The following TNS3 variants were observed in gnomAD, a reference collection of about 807,000 sequenced individuals.
The protein encoded by TNS3 is tensin-3.
Under a neutral mutation model 140.9 loss-of-function variants are expected in TNS3, and 45 were observed. The ratio of observed to expected loss-of-function variants is 0.32; its 90% CI spans 0.25 to 0.41. The LOEUF (loss-of-function observed/expected upper bound fraction) is 0.41, where lower values mean the gene tolerates loss of function less well. TNS3 is among the 10% of genes least tolerant of loss of function. The probability of loss-of-function intolerance (pLI) is 1.00; values close to 1 mark genes in which losing one functional copy is unlikely to be tolerated. For synonymous variants in TNS3, 815 were observed against 788.4 expected (o/e 1.03, Z -0.56); for missense variants, 1,716 against 1,906.7 (o/e 0.90, Z 1.86).
In TNS3 at chr7:47,556,994, C is replaced by T. The variant is rs78658085; in HGVS notation, c.-265+25057G>A. ...GCCACCAAGCCATGCCCCCCACAGA[C>T]GATAACCAGGAGCAGCGGGGGCGGG... On this transcript the variant is annotated intron_variant, in intron 1 of 30. Transcript: ENST00000311160. The T allele has an allele frequency of 5.3e-3, 2,407 of 455,794 alleles. 40 individuals carry two copies. The highest frequency in any genetic ancestry group is 0.042 in the African/African-American group (2,127 of 50,176). The allele number at this position is 455,794 out of a possible 1,614,324, so 28.2% of individuals were successfully genotyped here.
intron 20 of TNS3, among the ~76,000 whole-genome samples, chr7:47,343,384 T>A (rs1438265147): frequency 1.3e-5 from 2 of 152,170 alleles, no homozygotes; most frequent in Non-Finnish European, 2.9e-5. Flanking sequence ...TGTTAATGAG[T>A]TTGCAGGCTG....
Position 47,303,010 on chromosome 7 carries a change from G to A in TNS3, c.3397C>T (p.Pro1133Ser), listed in dbSNP as rs1459893899. 9.3e-6 allele frequency: 15 copies of A among 1,613,826 alleles called. No homozygotes were observed. Among genetic ancestry groups the A allele is most frequent in the Non-Finnish European group, 1.3e-5 (15 of 1,179,872 alleles). ...SPHSGSTISI[P>S]FPNVLPDFSK... is the part of the protein sequence containing the mutation. ...AAGTCGGGAAGGACATTTGGGAAGG[G>A]GATACTGATGGTGCTCCCGCTGTGC... Residue 1133 changes from proline to serine, a missense_variant, in exon 22 of 31, where the codon CCC becomes TCC. Pro to Ser is a moderately conservative substitution (Grantham distance 74). Around this residue, in one of 3 missense-constraint regions of TNS3, gnomAD observed 1,163 missense variants for 1,182.1 expected, o/e 0.98. Transcript: ENST00000311160.
At chr7:47,344,881 G>C (rs1789240232) in intron 19 of TNS3, 43 bp from the exon 20 acceptor site, 1 of 1,613,104 alleles carries the variant, frequency 6.2e-7, no homozygotes, top group Non-Finnish European at 8.5e-7. Flanking sequence ...CACCCTCCTT[G>C]GGCATGGAGC....
rs530524093 is a variant in TNS3 at position 47,521,478 on chromosome 7, A to G, written c.-153+7558T>C. Among the ~76,000 whole-genome samples the G allele has an allele frequency of 5.9e-5, 9 of 152,266 alleles. No individual in the cohort carries two copies. The East Asian group carries it at 1.7e-3, about 29-fold the overall frequency. On this transcript the variant is annotated intron_variant, in intron 2 of 30. Transcript: ENST00000311160. ...TGTGCACAGGCATCTGGTGAACAAC[A>G]CAGAGCCAGCCCCTCATGCCTCCTG...
intron 27 of TNS3, among the ~76,000 whole-genome samples, chr7:47,288,671 C>G (rs1355035281): frequency 3.3e-5 from 5 of 152,140 alleles, no homozygotes; most frequent in Non-Finnish European, 7.4e-5. Context: ...CCCCCTAAAA[C>G]AGATTTAGGG....
chr7:47,524,190 A>G (rs1799094016), intron 2 of TNS3, among the ~76,000 whole-genome samples: 1 of 152,178 alleles, frequency 6.6e-6, no homozygotes, highest in African/African-American at 2.4e-5. Context: ...GTCCTGCCTC[A>G]CTGGCCTGGC....
At chr7:47,481,738 G>T (rs956844684) in intron 3 of TNS3, 23 of 984,686 alleles carry the variant, frequency 2.3e-5, no homozygotes, top group Non-Finnish European at 2.5e-5. Context: ...CCCTGGGAAA[G>T]ATAAAGAAAG....
intron 2 of TNS3, among the ~76,000 whole-genome samples, chr7:47,512,911 A>G (rs1314126130): frequency 6.6e-6 from 1 of 152,224 alleles, no homozygotes; most frequent in Non-Finnish European, 1.5e-5. Flanking sequence ...AAATGAAAAG[A>G]TGAGTAGATC....
At chr7:47,300,621 A>AT (rs1786343567) in intron 23 of TNS3, among the ~76,000 whole-genome samples, 1 of 152,240 alleles carries the variant, frequency 6.6e-6, no homozygotes, top group African/African-American at 2.4e-5. Flanking sequence ...ACATTGCACA[A>AT]TGAGAGAAGG....
chr7:47,511,949 G>A (rs1231872379), intron 2 of TNS3, among the ~76,000 whole-genome samples: 1 of 152,250 alleles, frequency 6.6e-6, no homozygotes, highest in Non-Finnish European at 1.5e-5. Context: ...GGCTGCCACG[G>A]TGCCTTCCAC....
At position 47,428,326 on chromosome 7, in the gene TNS3, G is replaced by A; in HGVS notation, c.375C>T (p.Thr125=). 6.9e-7 allele frequency: 1 copy of A among 1,446,260 alleles called. No homozygotes were observed. Among genetic ancestry groups the A allele is most frequent in the Non-Finnish European group, 9.1e-7 (1 of 1,093,526 alleles). The allele number at this position is 1,446,260 out of a possible 1,614,324, so 89.6% of individuals were successfully genotyped here. ...GVVISSYMHF[T]NVSASADQAL... ...CTTCATCCTACCTGGCTGAGACGTT[G>A]GTGAAATGCATGTAGGATGATATGA... The change falls in exon 9 of 31, where the codon ACC becomes ACT. Residue 125 remains threonine, a synonymous_variant. Coordinates refer to ENST00000311160, the MANE Select transcript of TNS3 (RefSeq NM_022748.12).
intron 1 of TNS3, among the ~76,000 whole-genome samples, chr7:47,530,230 A>G (rs1799342326): frequency 6.6e-6 from 1 of 152,214 alleles, no homozygotes; most frequent in African/African-American, 2.4e-5. Context: ...AAAATGTAAG[A>G]ATACAGTGCA....
intron 12 of TNS3, among the ~76,000 whole-genome samples, chr7:47,412,260 A>T (rs1793815763): frequency 6.6e-6 from 1 of 152,222 alleles, no homozygotes; most frequent in South Asian, 2.1e-4. Context: ...GCCTGTCCAC[A>T]TACAAAAAGA....
intron 23 of TNS3, among the ~76,000 whole-genome samples, chr7:47,301,333 C>T (rs1786389188): frequency 6.6e-6 from 1 of 152,158 alleles, no homozygotes; most frequent in African/African-American, 2.4e-5. Context: ...CAGTCACACA[C>T]CATCTCTTCT....
intron 1 of TNS3, among the ~76,000 whole-genome samples, chr7:47,542,100 T>C (rs1196095343): frequency 3.3e-5 from 5 of 152,276 alleles, no homozygotes; most frequent in African/African-American, 1.2e-4. Context: ...CAGAATCTAA[T>C]AGGCTGTCAC....
At chr7:47,309,732 C>T (rs1786974323) in intron 20 of TNS3, among the ~76,000 whole-genome samples, 1 of 152,220 alleles carries the variant, frequency 6.6e-6, no homozygotes, top group African/African-American at 2.4e-5. Flanking sequence ...TGCTTATCAA[C>T]AATCTTGGAG....
At position 47,368,973 on chromosome 7, in the gene TNS3, C is replaced by A. The variant is rs1190598090; in HGVS notation, c.1673G>T (p.Arg558Leu). The change falls in exon 17 of 31, where the codon CGA (arginine) becomes CTA (leucine). Residue 558 changes from arginine to leucine, a missense_variant. Arg to Leu is a moderately radical substitution (Grantham distance 102). Transcript: ENST00000311160. ...PYERERTFGS[R>L]EPKQPQPLLR... ...CAGGGGCTGGGGCTGCTTGGGCTCT[C>A]GACTCCCAAAAGTCCGCTCCCGCTC... 1.9e-6 allele frequency: 3 copies of A among 1,613,814 alleles called. No individual in the cohort carries two copies. Among genetic ancestry groups the A allele is most frequent in the Non-Finnish European group, 2.5e-6 (3 of 1,179,982 alleles).
chr7:47,389,080 A>AGAGGAAGAGGAAGAG (rs1347493173), intron 16 of TNS3, among the ~76,000 whole-genome samples: 2 of 65,850 alleles, frequency 3.0e-5, no homozygotes, highest in South Asian at 6.4e-4. Flanking sequence ...AAGAAGAAGA[A>AGAGGAAGAGGAAGAG]GAAGAGGAAG....
intron 20 of TNS3, among the ~76,000 whole-genome samples, chr7:47,320,826 G>A (rs968833535): frequency 6.6e-6 from 1 of 152,232 alleles, no homozygotes; most frequent in Non-Finnish European, 1.5e-5. Flanking sequence ...GTGGTTTGGG[G>A]AGATGCAGCC....
Sources: gnomAD v4.1 joint callset for allele counts (sites outside exome capture counted in the v4.1 genomes callset) on GRCh38, gnomAD v4.1.1 for gene constraint, gnomAD v4.1.1 regional missense constraint, MANE v1.5 for transcripts, NCBI Gene and HGNC (gene_info 2026-07-23, HGNC 2026-07-21) for gene names.